UGT2B7: variants seen among roughly 807,000 people sequenced by gnomAD.
UGT2B7 encodes UDP glucuronosyltransferase family 2 member B7.
In UGT2B7, 51 loss-of-function variants were observed where a neutral mutation model predicts 51.9. The observed-to-expected ratio is 0.98, with a 90% CI of 0.78 to 1.24. The LOEUF is 1.24. UGT2B7 is among the 50% of genes most tolerant of loss of function. UGT2B7 has a pLI of 0.00. For missense variants in UGT2B7, 727 were observed against 628.4 expected (o/e 1.16, Z -1.68); for synonymous variants, 225 against 211.6 (o/e 1.06, Z -0.55).
chr4:69,112,368 A>G, intron 5 of UGT2B7, 89 bp from the exon 6 acceptor site: 1 of 1,510,102 alleles, frequency 6.6e-7, no homozygotes, highest in Admixed American at 2.1e-5. Context: ...TCCCAGCCGA[A>G]TAAAACCCTT....
intron 2 of UGT2B7, among the ~76,000 whole-genome samples, chr4:69,101,790 C>T (rs912429941): frequency 2.0e-5 from 3 of 152,066 alleles, no homozygotes; most frequent in African/African-American, 7.2e-5. Context: ...ATATATTGGA[C>T]AACGCAAGTC....
upstream of UGT2B7, among the ~76,000 whole-genome samples, chr4:69,093,694 C>T (rs914716598): frequency 6.6e-6 from 1 of 152,118 alleles, no homozygotes; most frequent in Non-Finnish European, 1.5e-5. Flanking sequence ...ATCTTGTGAC[C>T]TGAGGGTTAC....
At chr4:69,088,777 T>C (rs758901475) in intron 1 of UGT2B7, among the ~76,000 whole-genome samples, 2 of 152,092 alleles carry the variant, frequency 1.3e-5, no homozygotes, top group Non-Finnish European at 2.9e-5. Context: ...GTCATTCAAC[T>C]CTATAGCCAC....
At chr4:69,104,827 A>G (rs1719544607) in intron 3 of UGT2B7, among the ~76,000 whole-genome samples, 1 of 152,178 alleles carries the variant, frequency 6.6e-6, no homozygotes, top group Non-Finnish European at 1.5e-5. Flanking sequence ...CACAATAACA[A>G]TAGCAGGTAT....
intron 3 of UGT2B7, 34 bp from the exon 4 acceptor site, chr4:69,107,141 C>T (rs1039987417): frequency 1.3e-6 from 2 of 1,588,868 alleles, no homozygotes; most frequent in African/African-American, 1.3e-5. Context: ...TTGAATTCCA[C>T]TCATGGAATA....
chr4:69,109,431 G>A (rs1158365225), intron 5 of UGT2B7, among the ~76,000 whole-genome samples: 2 of 152,044 alleles, frequency 1.3e-5, no homozygotes, highest in Non-Finnish European at 2.9e-5. Flanking sequence ...AGCCTTCTTA[G>A]TGGGTGTAAA....
upstream of UGT2B7, among the ~76,000 whole-genome samples, chr4:69,094,746 A>G (rs1329993353): frequency 6.6e-6 from 1 of 152,196 alleles, no homozygotes; most frequent in African/African-American, 2.4e-5. Flanking sequence ...CCCTTTCACA[A>G]AAGATATTTT....
chr4:69,071,539 T>A (rs1369129570), intron 1 of UGT2B7, among the ~76,000 whole-genome samples: 5 of 152,006 alleles, frequency 3.3e-5, no homozygotes, highest in African/African-American at 1.2e-4. Flanking sequence ...GGAACAAACT[T>A]AAGAGCTGTT....
In UGT2B7 at chr4:69,112,450, C is replaced by G. The variant is rs1397475175; in HGVS notation, c.1311-7C>G. On this transcript the variant is annotated splice_region_variant and splice_polypyrimidine_tract_variant and intron_variant, in intron 5 of 5. Coordinates refer to ENST00000305231, the MANE Select transcript of UGT2B7 (RefSeq NM_001074.4). Reference sequence around the variant, plus strand: ...GCTACATTACTGTCTTTATTTTTATCTTTCAGATATAAAGAGAATGTTATG... The same window carrying G: ...GCTACATTACTGTCTTTATTTTTATGTTTCAGATATAAAGAGAATGTTATG... 1 of 1,609,954 alleles carries G rather than the reference C, an allele frequency of 6.2e-7. No individual in the cohort carries two copies. Among genetic ancestry groups the G allele is most frequent in the South Asian group, 1.1e-5 (1 of 90,362 alleles).
In UGT2B7 at chr4:69,052,196, C is replaced by T. The variant is rs111993925; in HGVS notation, c.-159+594C>T. Among the ~76,000 whole-genome samples the T allele has an allele frequency of 2.9e-3, 446 of 152,076 alleles. 1 individual carries two copies. The highest frequency in any genetic ancestry group is 0.01 in the African/African-American group (425 of 41,462). On this transcript the variant is annotated intron_variant, in intron 1 of 5. Coordinates refer to the UGT2B7 transcript ENST00000502942. ...GGTCCCTTGTTTCAAAGGTATGACA[C>T]AAAGTAACCTGTAAACCAAGGCACC...
chr4:69,074,866 G>C (rs377258912), intron 1 of UGT2B7, among the ~76,000 whole-genome samples: 4 of 152,020 alleles, frequency 2.6e-5, no homozygotes, highest in African/African-American at 9.7e-5. Flanking sequence ...ATACTAGGCT[G>C]TATATGTCTT....
chr4:69,107,324 T>C, intron 4 of UGT2B7, 62 bp downstream of exon 4: 2 of 1,491,312 alleles, frequency 1.3e-6, no homozygotes, highest in Admixed American at 2.2e-5. Context: ...TGTTAATAGT[T>C]CATCATGAAA....
chr4:69,108,479 A>G (rs185352252), intron 5 of UGT2B7, among the ~76,000 whole-genome samples, 157 bp downstream of exon 5: 1 of 152,092 alleles, frequency 6.6e-6, no homozygotes, highest in Admixed American at 6.6e-5. Flanking sequence ...TAAGTTATTT[A>G]AAAATTGAAT....
At chr4:69,087,791 T>G (rs1438081292) in intron 1 of UGT2B7, among the ~76,000 whole-genome samples, 2 of 151,850 alleles carry the variant, frequency 1.3e-5, no homozygotes, top group African/African-American at 2.4e-5. Flanking sequence ...TTTATTTTAT[T>G]TTTTTTTGAG....
chr4:69,054,834 C>G (rs1330329464), intron 1 of UGT2B7, among the ~76,000 whole-genome samples: 1 of 152,064 alleles, frequency 6.6e-6, no homozygotes, highest in Non-Finnish European at 1.5e-5. Flanking sequence ...ACATTAAGGA[C>G]TTCAGCTGAA....
At chr4:69,086,270 ATTTAT>A (rs1718954924) in intron 1 of UGT2B7, among the ~76,000 whole-genome samples, 1 of 151,756 alleles carries the variant, frequency 6.6e-6, no homozygotes, top group African/African-American at 2.4e-5. Flanking sequence ...AGCACATTTA[ATTTAT>A]GTATAGTTGT....
chr4:69,052,079 A>C (rs1438809323), intron 1 of UGT2B7, among the ~76,000 whole-genome samples: 1 of 152,124 alleles, frequency 6.6e-6, no homozygotes, highest in African/African-American at 2.4e-5. Context: ...GAGACTATGG[A>C]GTCACTATGA....
chr4:69,052,727 G>C (rs1718065951), intron 1 of UGT2B7, among the ~76,000 whole-genome samples: 1 of 113,872 alleles, frequency 8.8e-6, no homozygotes, highest in South Asian at 2.8e-4. Flanking sequence ...GTCAGTGGAA[G>C]TCGTGAAAAA....
At chr4:69,101,274 G>A (rs1051104617) in intron 2 of UGT2B7, among the ~76,000 whole-genome samples, 5 of 151,728 alleles carry the variant, frequency 3.3e-5, no homozygotes, top group Admixed American at 6.6e-5. Context: ...TAGGACAAAA[G>A]CCATGATGAA....
Sources: gnomAD v4.1 joint callset for allele counts (sites outside exome capture counted in the v4.1 genomes callset) on GRCh38, gnomAD v4.1.1 for gene constraint, MANE v1.5 for transcripts, NCBI Gene and HGNC (gene_info 2026-07-23, HGNC 2026-07-21) for gene names.